Variants in HIVEP3 observed in about 807,000 individuals in gnomAD.
HIVEP3 encodes HIVEP zinc finger 3.
Under a neutral mutation model 152.8 loss-of-function variants are expected in HIVEP3, and 49 were observed. That is an observed-to-expected ratio of 0.32 (90% CI 0.26 to 0.41). HIVEP3 has a LOEUF of 0.41. Among genes scored for constraint, HIVEP3 ranks in the 10% least tolerant of loss-of-function variants. The pLI, the probability that HIVEP3 is intolerant of heterozygous loss-of-function variation, is 1.00. For synonymous variants in HIVEP3, 1,269 were observed against 1,289.0 expected (o/e 0.98, Z 0.33); for missense variants, 2,790 against 3,103.3 (o/e 0.90, Z 2.40).
intron 3 of HIVEP3, among the ~76,000 whole-genome samples, chr1:41,604,126 AC>A (rs1404831862): frequency 1.4e-4 from 21 of 152,242 alleles, no homozygotes; most frequent in Admixed American, 1.1e-3. Context: ...ATTGGCAAAG[AC>A]TAATGCCACA....
intron 2 of HIVEP3, among the ~76,000 whole-genome samples, chr1:41,698,004 G>A (rs1231598329): frequency 2.6e-5 from 4 of 152,142 alleles, no homozygotes; most frequent in Admixed American, 6.5e-5. Context: ...CTCTCTGTGC[G>A]TCAGTTGTCA....
intron 1 of HIVEP3, among the ~76,000 whole-genome samples, chr1:42,003,805 C>T (rs1228341269): frequency 1.3e-5 from 2 of 150,246 alleles, no homozygotes; most frequent in Admixed American, 6.6e-5. Context: ...AAAAAAGGCA[C>T]TCTCGTCACC....
chr1:41,718,774 CCACACA>C (rs3064313), intron 1 of HIVEP3, among the ~76,000 whole-genome samples: 12,677 of 148,480 alleles, frequency 0.085, 1,427 homozygotes, highest in African/African-American at 0.25. Flanking sequence ...TCTTTCACAC[CCACACA>C]CACACACACA....
intron 1 of HIVEP3, among the ~76,000 whole-genome samples, chr1:41,938,989 A>G (rs1184591946): frequency 6.6e-6 from 1 of 152,060 alleles, no homozygotes; most frequent in Non-Finnish European, 1.5e-5. Context: ...TCTTGTTCTC[A>G]CACATGATCT....
intron 1 of HIVEP3, among the ~76,000 whole-genome samples, chr1:41,789,619 T>A (rs533250193): frequency 6.6e-6 from 1 of 152,354 alleles, no homozygotes; most frequent in South Asian, 2.1e-4. Flanking sequence ...AATGTAAACA[T>A]ATTTAAAGAA....
At chr1:41,976,396 T>C (rs1460375782) in intron 1 of HIVEP3, among the ~76,000 whole-genome samples, 1 of 152,216 alleles carries the variant, frequency 6.6e-6, no homozygotes, top group Non-Finnish European at 1.5e-5. Flanking sequence ...TTAGCCTGCC[T>C]TGCTGGGCTA....
chr1:41,620,175 G>C (rs1009473638), intron 3 of HIVEP3, among the ~76,000 whole-genome samples: 1 of 152,222 alleles, frequency 6.6e-6, no homozygotes, highest in African/African-American at 2.4e-5. Flanking sequence ...ACAGAGGCAA[G>C]ACAGCAGGGC....
intron 2 of HIVEP3, among the ~76,000 whole-genome samples, chr1:41,677,633 A>G (rs1645976580): frequency 1.3e-5 from 2 of 152,230 alleles, no homozygotes; most frequent in African/African-American, 4.8e-5. Flanking sequence ...GTTTCTAAGA[A>G]TTAGTGTTGG....
intron 1 of HIVEP3, among the ~76,000 whole-genome samples, chr1:41,727,595 G>A (rs746402078): frequency 2.6e-5 from 4 of 152,252 alleles, no homozygotes; most frequent in Non-Finnish European, 5.9e-5. Context: ...GCTGAGGGGC[G>A]CGGCGCCGCC....
intron 5 of HIVEP3, among the ~76,000 whole-genome samples, chr1:41,527,342 T>C (rs28972757): frequency 0.28 from 20,615 of 72,728 alleles, 2,407 homozygotes; most frequent in African/African-American, 0.33. Context: ...ACATCCCACC[T>C]TCACACTCAC....
chr1:42,026,376 A>G (rs1318601415), intron 1 of HIVEP3, among the ~76,000 whole-genome samples: 3 of 152,194 alleles, frequency 2.0e-5, no homozygotes, highest in African/African-American at 2.4e-5. Context: ...GGGCAAAAAG[A>G]ACTTAGGTGT....
chr1:41,785,950 AC>A (rs774765495), intron 1 of HIVEP3, among the ~76,000 whole-genome samples: 3 of 152,162 alleles, frequency 2.0e-5, no homozygotes, highest in Non-Finnish European at 4.4e-5. Flanking sequence ...GCGAGCCAAG[AC>A]CGTGCCATTG....
chr1:41,968,779 G>A (rs1283625719), intron 1 of HIVEP3, among the ~76,000 whole-genome samples: 1 of 152,128 alleles, frequency 6.6e-6, no homozygotes, highest in Non-Finnish European at 1.5e-5. Flanking sequence ...GGCTCTGTTT[G>A]CAAATGACAT....
chr1:41,690,188 T>C (rs1184710365), intron 2 of HIVEP3, among the ~76,000 whole-genome samples: 8 of 152,058 alleles, frequency 5.3e-5, no homozygotes. Context: ...ACAATAACCA[T>C]AAAGTTCCAA....
At chr1:41,772,925 T>A (rs1391622138) in intron 1 of HIVEP3, among the ~76,000 whole-genome samples, 1 of 151,926 alleles carries the variant, frequency 6.6e-6, no homozygotes, top group African/African-American at 2.4e-5. Flanking sequence ...AATAAATAAA[T>A]AAAATAGGAC....
chr1:42,015,407 T>TC (rs1645516327), intron 1 of HIVEP3, among the ~76,000 whole-genome samples: 1 of 152,174 alleles, frequency 6.6e-6, no homozygotes, highest in African/African-American at 2.4e-5. Context: ...GGCATGGGTT[T>TC]CCTCTGCTCT....
intron 7 of HIVEP3, among the ~76,000 whole-genome samples, chr1:41,516,312 C>T (rs146351411): frequency 2.8e-3 from 423 of 152,310 alleles, no homozygotes; most frequent in African/African-American, 6.9e-3. Context: ...TGGGCAGGGC[C>T]GGGGCGCCTG....
At chr1:41,914,174 T>C (rs1644837576) in intron 1 of HIVEP3, among the ~76,000 whole-genome samples, 1 of 152,192 alleles carries the variant, frequency 6.6e-6, no homozygotes, top group Non-Finnish European at 1.5e-5. Flanking sequence ...CCCAAGCACA[T>C]ATTTCCAACT....
chr1:41,660,012 G>A (rs1004299763), intron 2 of HIVEP3, among the ~76,000 whole-genome samples: 10 of 152,214 alleles, frequency 6.6e-5, no homozygotes, highest in African/African-American at 2.2e-4. Context: ...ATACAGGATC[G>A]CATAAGTGAG....
Sources: gnomAD v4.1 joint callset for allele counts (sites outside exome capture counted in the v4.1 genomes callset) on GRCh38, gnomAD v4.1.1 for gene constraint, MANE v1.5 for transcripts, NCBI Gene and HGNC (gene_info 2026-07-23, HGNC 2026-07-21) for gene names.